GAK: variants seen among roughly 807,000 people sequenced by gnomAD.
GAK encodes cyclin-G-associated kinase.
Under a neutral mutation model 143.9 loss-of-function variants are expected in GAK, and 79 were observed. The ratio of observed to expected loss-of-function variants is 0.55; its 90% CI spans 0.46 to 0.66. The LOEUF (loss-of-function observed/expected upper bound fraction) is 0.66, where lower values mean the gene tolerates loss of function less well. GAK is among the 30% of genes least tolerant of loss of function. GAK has a pLI of 0.00. For synonymous variants in GAK, 881 were observed against 765.5 expected (o/e 1.15, Z -2.49); for missense variants, 1,693 against 1,779.7 (o/e 0.95, Z 0.88).
In GAK at chr4:868,590, G is replaced by C. The variant is rs1044025916; in HGVS notation, c.2344C>G (p.Pro782Ala). ...EAEPTDSDSP[P>A]SSSADASRFL... ...CGACTGGCGTCCGCGCTGCTGCTTG[G>C]CGGTGAGTCAGAGTCTGTGGGTTCG... Residue 782 changes from proline (P) to alanine (A), a missense_variant, in exon 20 of 28, where the codon CCA becomes GCA. Transcript: ENST00000314167. 1 of 1,604,112 alleles carries C rather than the reference G, an allele frequency of 6.2e-7. No individual in the cohort carries two copies.
chr4:925,224 C>A (rs901591145), intron 1 of GAK, among the ~76,000 whole-genome samples: 1 of 152,108 alleles, frequency 6.6e-6, no homozygotes, highest in Non-Finnish European at 1.5e-5. Context: ...TAAAACAAAC[C>A]CCCAGGGGAC....
At chr4:928,024 G>C (rs988021265) in intron 1 of GAK, among the ~76,000 whole-genome samples, 1 of 152,182 alleles carries the variant, frequency 6.6e-6, no homozygotes, top group Non-Finnish European at 1.5e-5. Context: ...GTGGGAAGAG[G>C]GTCGGCTACA....
At position 867,362 on chromosome 4, in the gene GAK, G is replaced by C; in HGVS notation, c.2466C>G (p.Asp822Glu). The stretch of plus-strand genomic sequence containing the variant: ...CATCTGACACCTCACTCTCGTCTCT[G>C]TCCTCCATCAGGGCAGACTCGCTCT... ...SKESESALME[D>E]RDESEVSDEG... is the part of the protein sequence containing the mutation. The change falls in exon 21 of 28, where the codon GAC becomes GAG. Residue 822 changes from aspartate to glutamate, a missense_variant. This residue lies in a region of GAK where 822 missense variants were observed against 788.7 expected (regional missense o/e 1.04). Coordinates refer to ENST00000314167, the MANE Select transcript of GAK (RefSeq NM_005255.4). The C allele has an allele frequency of 6.3e-7, 1 of 1,599,252 alleles. No homozygotes were observed. Among genetic ancestry groups the C allele is most frequent in the Non-Finnish European group, 8.5e-7 (1 of 1,170,340 alleles).
At chr4:901,289 G>A (rs1285097475) in intron 5 of GAK, among the ~76,000 whole-genome samples, 1 of 152,118 alleles carries the variant, frequency 6.6e-6, no homozygotes, top group Non-Finnish European at 1.5e-5. Flanking sequence ...CCACGGCCTT[G>A]GATCCCCCAC....
At chr4:859,339 T>C (rs1468387627) in intron 24 of GAK, 3 of 1,409,292 alleles carry the variant, frequency 2.1e-6, no homozygotes, top group Non-Finnish European at 2.8e-6. Context: ...CCCATGGCCC[T>C]GAGGACAGGA....
chr4:894,978 C>CAAATAAATAAATAAAT (rs1553885659), intron 7 of GAK, among the ~76,000 whole-genome samples: 19 of 126,566 alleles, frequency 1.5e-4, no homozygotes, highest in African/African-American at 5.1e-4. Flanking sequence ...GACTCTGTCT[C>CAAATAAATAAATAAAT]AAATAAATAA....
At chr4:851,318 A>C in intron 25 of GAK, 1 of 445,070 alleles carries the variant, frequency 2.2e-6, no homozygotes, top group Non-Finnish European at 4.1e-6. Flanking sequence ...CTGGTCTTGA[A>C]CTCCTGGGCT....
At chr4:852,258 G>A (rs1748299972) in intron 24 of GAK, 3 of 533,074 alleles carry the variant, frequency 5.6e-6, no homozygotes, top group Admixed American at 3.3e-5. Flanking sequence ...AGCCAAGGCA[G>A]ACCCAGGGCT....
chr4:877,816 G>A lies in GAK; in HGVS notation c.1662-7C>T. 1 of 1,572,134 alleles carries A rather than the reference G, an allele frequency of 6.4e-7. No homozygotes were observed. The highest frequency in any genetic ancestry group is 8.7e-7 in the Non-Finnish European group (1 of 1,155,524). ...ACACATGTACTCGATGTACCTGGGG[G>A]CAGACGTGCCGCGTCACCACGTGAC... On this transcript the variant is annotated splice_polypyrimidine_tract_variant and splice_region_variant and intron_variant, in intron 15 of 27. Coordinates refer to ENST00000314167, the MANE Select transcript of GAK (RefSeq NM_005255.4).
At chr4:898,880 C>T (rs1406428185) in intron 5 of GAK, among the ~76,000 whole-genome samples, 1 of 151,888 alleles carries the variant, frequency 6.6e-6, no homozygotes, top group African/African-American at 2.4e-5. Flanking sequence ...AAAAAGTATA[C>T]AGAGACACAA....
intron 15 of GAK, among the ~76,000 whole-genome samples, chr4:878,198 G>C (rs1714383186): frequency 6.6e-6 from 1 of 152,126 alleles, no homozygotes; most frequent in Non-Finnish European, 1.5e-5. Context: ...AGACCAGCCT[G>C]GGCAACACGG....
chr4:895,070 G>A (rs2152868731), intron 7 of GAK, among the ~76,000 whole-genome samples: 1 of 152,298 alleles, frequency 6.6e-6, no homozygotes, highest in South Asian at 2.1e-4. Context: ...AGATCTATGA[G>A]CTGGTGGGAC....
intron 1 of GAK, among the ~76,000 whole-genome samples, chr4:923,226 T>C (rs1724170109): frequency 6.6e-6 from 1 of 152,148 alleles, no homozygotes; most frequent in African/African-American, 2.4e-5. Flanking sequence ...CTCCATCTTT[T>C]CTCACAGCCG....
At chr4:926,707 G>A (rs550163518) in intron 1 of GAK, among the ~76,000 whole-genome samples, 29 of 152,258 alleles carry the variant, frequency 1.9e-4, no homozygotes, top group Non-Finnish European at 3.4e-4. Flanking sequence ...AAGTGAAGGC[G>A]GTTGGTACCA....
At position 885,494 on chromosome 4, in the gene GAK, G is replaced by A. The variant is rs540935226; in HGVS notation, c.1206-1408C>T. ...GGGCATTGAGTGCCACAGGATCCAC[G>A]CACATCTCACCCACCCCAGCAGCCC... On this transcript the variant is annotated intron_variant, in intron 11 of 27. Transcript: ENST00000314167. Among the ~76,000 whole-genome samples, 35 of 152,302 alleles carry A rather than the reference G, an allele frequency of 2.3e-4. No homozygotes were observed. In the East Asian group the frequency reaches 3.7e-3, roughly 16 times the overall value.
At position 883,237 on chromosome 4, in the gene GAK, A is replaced by G. The variant is rs1433613089; in HGVS notation, c.1404+78T>C. The G allele has an allele frequency of 2.0e-6, 3 of 1,535,362 alleles. No homozygotes were observed. In the East Asian group the frequency reaches 6.8e-5, roughly 35 times the overall value. ...CCCCATCACAGCCCCACCCTGGCCA[A>G]AGCCCTCAGCTATGCCCCTGCACTG... On this transcript the variant is annotated intron_variant, in intron 13 of 27. Coordinates refer to ENST00000314167, the MANE Select transcript of GAK (RefSeq NM_005255.4).
intron 24 of GAK, 73 bp downstream of exon 24, chr4:859,533 A>C: frequency 3.1e-6 from 5 of 1,592,256 alleles, no homozygotes; most frequent in Non-Finnish European, 4.3e-6. Flanking sequence ...TGGGCAGCTC[A>C]GAGTCAGATA....
chr4:927,996 C>G (rs1030065707), intron 1 of GAK, among the ~76,000 whole-genome samples: 6 of 152,244 alleles, frequency 3.9e-5, no homozygotes, highest in Admixed American at 6.5e-5. Flanking sequence ...GGCTGGTGCC[C>G]TCAGTCACAA....
At chr4:865,350 C>T in intron 22 of GAK, 106 bp from the exon 23 acceptor site, 3 of 1,430,460 alleles carry the variant, frequency 2.1e-6, no homozygotes, top group Non-Finnish European at 2.9e-6. Flanking sequence ...ACACCTCTTG[C>T]ACCCAGGCTG....
Sources: allele counts gnomAD v4.1 joint callset (sites outside exome capture counted in the v4.1 genomes callset), GRCh38; gene constraint gnomAD v4.1.1; regional missense constraint gnomAD v4.1.1; transcripts MANE v1.5; gene names NCBI Gene and HGNC (gene_info 2026-07-23, HGNC 2026-07-21).